Variants in DRC7 observed in about 807,000 individuals in gnomAD.
DRC7 encodes the protein coiled-coil domain containing 135.
DRC7 carries 80 observed loss-of-function variants against 104.4 expected under a neutral mutation model. The ratio of observed to expected loss-of-function variants is 0.77; its 90% CI spans 0.64 to 0.92. The LOEUF is 0.92. DRC7 is among the 40% of genes least tolerant of loss of function. DRC7 has a pLI of 0.00. For synonymous variants in DRC7, 405 were observed against 447.3 expected (o/e 0.91, Z 1.19); for missense variants, 1,034 against 1,141.1 (o/e 0.91, Z 1.35).
intron 16 of DRC7, among the ~76,000 whole-genome samples, 178 bp from the exon 17 acceptor site, chr16:57,728,212 C>G (rs1477274226): frequency 6.6e-6 from 1 of 152,190 alleles, no homozygotes; most frequent in African/African-American, 2.4e-5. Context: ...TGGCTGTCAC[C>G]AGTAAACACA....
chr16:57,700,042 C>T, intron 4 of DRC7, 103 bp from the exon 5 acceptor site: 1 of 1,373,706 alleles, frequency 7.3e-7, no homozygotes, highest in South Asian at 1.4e-5. Flanking sequence ...CCTGCATTTG[C>T]TCAGGCCTCT....
chr16:57,715,365 G>A lies in DRC7; in HGVS notation c.1078-2982G>A, dbSNP rs2048831598. ...GTACCTGATGACCTGCTTTTTTAAT[G>A]GTCATTTAGTCTTGGGGAATGAATA... On this transcript the variant is annotated intron_variant, in intron 8 of 18. Transcript: ENST00000360716. 2.0e-5 allele frequency among the ~76,000 whole-genome samples: 3 copies of A among 152,132 alleles called. No individual in the cohort carries two copies. In the South Asian group the frequency reaches 6.3e-4, roughly 32 times the overall value.
intron 4 of DRC7, among the ~76,000 whole-genome samples, chr16:57,699,716 T>C (rs986472393): frequency 4.6e-5 from 7 of 152,090 alleles, no homozygotes; most frequent in African/African-American, 1.4e-4. Flanking sequence ...GAGAGCACAG[T>C]GCTCCCAGGA....
At chr16:57,705,273 C>G (rs1361046424) in intron 7 of DRC7, among the ~76,000 whole-genome samples, 3 of 152,064 alleles carry the variant, frequency 2.0e-5, no homozygotes, top group Non-Finnish European at 4.4e-5. Flanking sequence ...CCATTCTATG[C>G]TAGGCAGCTC....
chr16:57,717,174 G>A (rs1276022915), intron 8 of DRC7, among the ~76,000 whole-genome samples: 1 of 145,182 alleles, frequency 6.9e-6, no homozygotes, highest in Admixed American at 6.8e-5. Context: ...AAAAAGAAAA[G>A]AAAAATAAAA....
chr16:57,704,086 C>T (rs981942309), intron 6 of DRC7, among the ~76,000 whole-genome samples: 7 of 151,826 alleles, frequency 4.6e-5, no homozygotes, highest in South Asian at 2.1e-4. Context: ...AGAGAACTTT[C>T]GGGTTTAAAA....
chr16:57,717,677 C>T (rs1318325260), intron 8 of DRC7, among the ~76,000 whole-genome samples: 9 of 150,870 alleles, frequency 6.0e-5, no homozygotes, highest in African/African-American at 1.7e-4. Flanking sequence ...CCAGCCTGGG[C>T]GACAGAGTGA....
At chr16:57,729,898 G>C (rs1348809647) in intron 17 of DRC7, among the ~76,000 whole-genome samples, 1 of 120,964 alleles carries the variant, frequency 8.3e-6, no homozygotes, top group East Asian at 3.0e-4. Context: ...GGGTGGATGA[G>C]TGAGTGAGTA....
chr16:57,697,552 G>A (rs543778725), intron 2 of DRC7, among the ~76,000 whole-genome samples: 1 of 151,936 alleles, frequency 6.6e-6, no homozygotes, highest in Non-Finnish European at 1.5e-5. Context: ...CTGAGTGACA[G>A]AGCAAGACCC....
chr16:57,728,750 C>G (rs2049004859), intron 17 of DRC7, among the ~76,000 whole-genome samples, 166 bp downstream of exon 17: 1 of 122,002 alleles, frequency 8.2e-6, no homozygotes, highest in South Asian at 2.8e-4. Context: ...CCTCCTCACA[C>G]TTGTTTATCG....
intron 5 of DRC7, among the ~76,000 whole-genome samples, chr16:57,701,027 G>A (rs1436530352): frequency 3.9e-5 from 6 of 152,182 alleles, no homozygotes; most frequent in Admixed American, 3.3e-4. Context: ...CAGACAAAGC[G>A]AGCTATTTTG....
chr16:57,698,656 C>T (rs1234178341), intron 3 of DRC7, among the ~76,000 whole-genome samples, 194 bp from the exon 4 acceptor site: 7 of 152,180 alleles, frequency 4.6e-5, no homozygotes, highest in Non-Finnish European at 8.8e-5. Flanking sequence ...TGCTATCACA[C>T]TCCAGCCTGG....
chr16:57,724,809 G>A lies in DRC7; in HGVS notation c.1732G>A (p.Ala578Thr), dbSNP rs778999719. Reference sequence around the variant, plus strand: ...AGTCAAGAAGCTCACTCTGAGCAGTGCAGAGTCAAACCCCCGGCCCATTGT... The same window carrying A: ...AGTCAAGAAGCTCACTCTGAGCAGTACAGAGTCAAACCCCCGGCCCATTGT... ...PRVKKLTLSS[A>T]ESNPRPIVKI... Residue 578 changes from alanine to threonine, a missense_variant, in exon 13 of 19, where the codon GCA becomes ACA. Coordinates refer to ENST00000360716, the MANE Select transcript of DRC7 (RefSeq NM_001289162.2). 6.8e-6 allele frequency: 11 copies of A among 1,613,534 alleles called. No individual in the cohort carries two copies. Among genetic ancestry groups the A allele is most frequent in the South Asian group, 1.1e-5 (1 of 91,056 alleles).
At chr16:57,730,156 G>C (rs2049042167) in intron 17 of DRC7, among the ~76,000 whole-genome samples, 1 of 126,488 alleles carries the variant, frequency 7.9e-6, no homozygotes, top group Non-Finnish European at 1.6e-5. Flanking sequence ...TGGATGGATG[G>C]ATGGATGAGT....
In DRC7 at chr16:57,698,935, G is replaced by A. The variant is rs115262120; in HGVS notation, c.289G>A (p.Val97Met). Residue 97 changes from valine (V) to methionine (M), a missense_variant, in exon 4 of 19, where the codon GTG (valine) becomes ATG (methionine). Physicochemically the swap from Val to Met is conservative, Grantham distance 21. Coordinates refer to ENST00000360716, the MANE Select transcript of DRC7 (RefSeq NM_001289162.2). ...NTPKEEHLLQ[V>M]ADNFSRQYSH... ...ACCCAAGGAGGAACACCTGCTGCAGGTGGCAGACAACTTCTCCCGCCAGTA... is the reference window on the plus strand; with the variant it reads ...ACCCAAGGAGGAACACCTGCTGCAGATGGCAGACAACTTCTCCCGCCAGTA... The A allele has an allele frequency of 3.4e-4, 546 of 1,614,186 alleles. No individual in the cohort carries two copies. The African/African-American group carries it at 6.3e-3, about 19-fold the overall frequency.
At chr16:57,707,405 C>G (rs2048743081) in intron 7 of DRC7, 55 bp from the exon 8 acceptor site, 2 of 1,528,658 alleles carry the variant, frequency 1.3e-6, no homozygotes, top group South Asian at 1.2e-5. Flanking sequence ...TGTCTGGGCC[C>G]CTGACACTCC....
Position 57,726,511 on chromosome 16 carries a change from C to T in DRC7, c.1974+228C>T, listed in dbSNP as rs1231024760. On this transcript the variant is annotated intron_variant, in intron 14 of 18. Transcript: ENST00000360716. ...AAAAAGCGAACTCAGCAGGCTAAGA[C>T]GACTCTGCAGTCCTGGTCAGGGCAA... 1.0e-5 allele frequency: 6 copies of T among 578,142 alleles called. No homozygotes were observed. In the Admixed American group the frequency reaches 1.8e-4, roughly 17 times the overall value. 35.8% of individuals were successfully genotyped at this position (578,142 alleles called of 1,614,324 possible).
At chr16:57,709,081 A>T (rs1005197127) in intron 8 of DRC7, among the ~76,000 whole-genome samples, 6 of 148,996 alleles carry the variant, frequency 4.0e-5, no homozygotes, top group African/African-American at 1.5e-4. Flanking sequence ...GTGAGCCTAT[A>T]TTGCGTCACT....
chr16:57,699,175 C>A, intron 4 of DRC7, 151 bp downstream of exon 4: 1 of 916,528 alleles, frequency 1.1e-6, no homozygotes, highest in Non-Finnish European at 1.6e-6. Context: ...AACATAAAGT[C>A]GAACGCCAGC....
Sources: gnomAD v4.1 joint callset for allele counts (sites outside exome capture counted in the v4.1 genomes callset) on GRCh38, gnomAD v4.1.1 for gene constraint, MANE v1.5 for transcripts, NCBI Gene and HGNC (gene_info 2026-07-23, HGNC 2026-07-21) for gene names.